The following SLC35D4 variants were observed in gnomAD, a reference collection of about 807,000 sequenced individuals.
SLC35D4 encodes the protein UDP-N-acetylglucosamine transporter SLC35D4.
At chr18:23,424,549 G>A in the SLC35D4 span, among the ~76,000 whole-genome samples, 5 of 152,164 alleles carry the variant, frequency 3.3e-5, no homozygotes, top group African/African-American at 1.2e-4. Context: ...GGCAATCCAA[G>A]CGTAGAGATT....
At chr18:23,275,068 TTGTG>T in the SLC35D4 span, among the ~76,000 whole-genome samples, 3,051 of 128,510 alleles carry the variant, frequency 0.024, 101 homozygotes, top group African/African-American at 0.088. Context: ...GTAGGTGTGC[TTGTG>T]TGTGTGTGTG....
chr18:23,378,798 T>C, the SLC35D4 span, among the ~76,000 whole-genome samples: 88 of 152,282 alleles, frequency 5.8e-4, 1 homozygote, highest in African/African-American at 2.0e-3. Context: ...GTTCAGGCAG[T>C]GTGAAGTATG....
At chr18:23,385,493 T>C in the SLC35D4 span, among the ~76,000 whole-genome samples, 1 of 152,132 alleles carries the variant, frequency 6.6e-6, no homozygotes, top group African/African-American at 2.4e-5. Context: ...AACTGAACGA[T>C]GAACTGGCAT....
chr18:23,336,945 C>A, the SLC35D4 span, among the ~76,000 whole-genome samples: 2 of 151,990 alleles, frequency 1.3e-5, no homozygotes, highest in Admixed American at 1.3e-4. Context: ...ATAGACTTGA[C>A]CTAGTGAGAG....
At chr18:23,356,222 G>A in the SLC35D4 span, among the ~76,000 whole-genome samples, 1 of 152,198 alleles carries the variant, frequency 6.6e-6, no homozygotes, top group African/African-American at 2.4e-5. The surrounding 1 kb of genome is among the most constrained non-coding windows in gnomAD (Gnocchi z 4.1). Context: ...GAGCGGGTGG[G>A]ATTCTGAACC....
At chr18:23,303,131 C>G in the SLC35D4 span, among the ~76,000 whole-genome samples, 2 of 152,348 alleles carry the variant, frequency 1.3e-5, no homozygotes, top group African/African-American at 2.4e-5. Flanking sequence ...GAGCTGGTCA[C>G]CCAGCCACGC....
the SLC35D4 span, chr18:23,430,798 A>G: frequency 1.1e-6 from 1 of 932,690 alleles, no homozygotes; most frequent in Non-Finnish European, 1.6e-6. Flanking sequence ...CAAGTTTTAA[A>G]AAGGCCATTA....
the SLC35D4 span, among the ~76,000 whole-genome samples, chr18:23,329,583 T>C: frequency 2.0e-5 from 3 of 152,110 alleles, no homozygotes; most frequent in Admixed American, 2.0e-4. Context: ...TGTGGAGAAA[T>C]AGGAACGCTT....
chr18:23,286,742 T>C, the SLC35D4 span, among the ~76,000 whole-genome samples: 5 of 152,016 alleles, frequency 3.3e-5, no homozygotes, highest in African/African-American at 1.2e-4. Flanking sequence ...ACTCCCCAAC[T>C]CTGGTGCCAA....
the SLC35D4 span, among the ~76,000 whole-genome samples, chr18:23,316,339 A>C: frequency 6.6e-6 from 1 of 152,242 alleles, no homozygotes; most frequent in Non-Finnish European, 1.5e-5. Context: ...GAGTAAATCT[A>C]ATATAAAATT....
chr18:23,348,796 T>G, the SLC35D4 span, among the ~76,000 whole-genome samples: 1 of 152,268 alleles, frequency 6.6e-6, no homozygotes, highest in African/African-American at 2.4e-5. Context: ...AAATCCAATA[T>G]GACAGTCTCT....
the SLC35D4 span, chr18:23,260,187 T>G: frequency 6.6e-6 from 1 of 152,200 alleles, no homozygotes; most frequent in Non-Finnish European, 1.5e-5. Flanking sequence ...GTCACCACTT[T>G]TCCTTTCTTG....
At chr18:23,332,703 T>C in the SLC35D4 span, among the ~76,000 whole-genome samples, 1 of 151,616 alleles carries the variant, frequency 6.6e-6, no homozygotes, top group Non-Finnish European at 1.5e-5. Context: ...ACTTCCAAAA[T>C]GTTAGATAAA....
At chr18:23,372,321 G>A in the SLC35D4 span, among the ~76,000 whole-genome samples, 1 of 152,120 alleles carries the variant, frequency 6.6e-6, no homozygotes, top group Non-Finnish European at 1.5e-5. Flanking sequence ...TAGAACAGGG[G>A]TAAACACATA....
At chr18:23,384,188 G>A in the SLC35D4 span, among the ~76,000 whole-genome samples, 1 of 152,238 alleles carries the variant, frequency 6.6e-6, no homozygotes, top group African/African-American at 2.4e-5. Context: ...CTGCTCAGGA[G>A]GCTGGGCCAG....
the SLC35D4 span, among the ~76,000 whole-genome samples, chr18:23,313,250 G>A: frequency 2.0e-5 from 3 of 151,432 alleles, no homozygotes; most frequent in East Asian, 5.8e-4. Flanking sequence ...AGTCAGCACA[G>A]GGGAAGAGGC....
At chr18:23,240,548 A>T in the SLC35D4 span, among the ~76,000 whole-genome samples, 1 of 152,224 alleles carries the variant, frequency 6.6e-6, no homozygotes, top group African/African-American at 2.4e-5. Context: ...CCACTAGGCT[A>T]GTGTGAGGAT....
the SLC35D4 span, among the ~76,000 whole-genome samples, chr18:23,418,349 AATTATTATT>A: frequency 7.9e-4 from 112 of 142,582 alleles, 1 homozygote; most frequent in Middle Eastern, 3.7e-3. Flanking sequence ...GAGAAGCCAA[AATTATTATT>A]ATTATTATTA....
chr18:23,242,858 G>A, the SLC35D4 span, among the ~76,000 whole-genome samples: 27,746 of 152,036 alleles, frequency 0.18, 3,234 homozygotes, highest in Non-Finnish European at 0.25. Context: ...CATCTCCCCA[G>A]TGTTGGGGGA....
Sources: gnomAD v4.1 joint callset for allele counts (sites outside exome capture counted in the v4.1 genomes callset) on GRCh38, gnomAD v4.1.1 for gene constraint, Gnocchi (gnomAD v3.1) non-coding constraint, MANE v1.5 for transcripts, NCBI Gene and HGNC (gene_info 2026-07-23, HGNC 2026-07-21) for gene names.